Variants in NXPE2 observed in about 807,000 individuals in gnomAD.
The protein encoded by NXPE2 is neurexophilin and PC-esterase domain family member 2, also known as NXPE family member 2.
Under a neutral mutation model 34.4 loss-of-function variants are expected in NXPE2, and 34 were observed. The ratio of observed to expected loss-of-function variants is 0.99; its 90% confidence interval spans 0.75 to 1.31. The LOEUF (loss-of-function observed/expected upper bound fraction) is 1.31. NXPE2 is among the 40% of genes most tolerant of loss of function. The pLI is 0.00. For missense variants in NXPE2, 649 were observed against 672.5 expected (o/e 0.97, Z 0.39); for synonymous variants, 235 against 231.3 (o/e 1.02, Z -0.15).
At chr11:114,651,537 A>C in the NXPE2 span, among the ~76,000 whole-genome samples, 2 of 152,226 alleles carry the variant, frequency 1.3e-5, no homozygotes, top group Non-Finnish European at 2.9e-5. Flanking sequence ...GAATCCGAAA[A>C]GATTGCCACT....
the NXPE2 span, among the ~76,000 whole-genome samples, chr11:114,637,494 G>T: frequency 2.0e-5 from 3 of 151,306 alleles, no homozygotes; most frequent in Non-Finnish European, 2.9e-5. Context: ...GTGTGAATTT[G>T]ATCCTGTCAT....
chr11:114,692,774 A>C (rs1055347093), intron 2 of NXPE2, among the ~76,000 whole-genome samples: 1 of 152,102 alleles, frequency 6.6e-6, no homozygotes, highest in South Asian at 2.1e-4. Context: ...ATTTATTCAA[A>C]ATATGACTAT....
At chr11:114,481,959 G>A in the NXPE2 span, among the ~76,000 whole-genome samples, 2 of 152,036 alleles carry the variant, frequency 1.3e-5, no homozygotes, top group South Asian at 4.1e-4. Context: ...CTCCTACCTC[G>A]GCATTGAAGG....
the NXPE2 span, among the ~76,000 whole-genome samples, chr11:114,630,857 G>A: frequency 2.0e-5 from 3 of 151,746 alleles, no homozygotes; most frequent in East Asian, 5.8e-4. Context: ...TCAAAAAGTG[G>A]GCAAAGGACA....
At chr11:114,765,864 G>A in the NXPE2 span, among the ~76,000 whole-genome samples, 3 of 152,050 alleles carry the variant, frequency 2.0e-5, no homozygotes, top group African/African-American at 7.2e-5. Flanking sequence ...ATTCTTCTGA[G>A]AGCTGACTGT....
chr11:114,522,865 A>C, the NXPE2 span: 3 of 1,572,068 alleles, frequency 1.9e-6, no homozygotes, highest in Middle Eastern at 1.7e-4. Flanking sequence ...AGAGAATATA[A>C]AGTAACTACC....
the NXPE2 span, among the ~76,000 whole-genome samples, chr11:114,534,821 T>G: frequency 6.6e-6 from 1 of 152,166 alleles, no homozygotes; most frequent in East Asian, 1.9e-4. Context: ...TACCTGAAAG[T>G]GACGGGGAGA....
the NXPE2 span, among the ~76,000 whole-genome samples, chr11:114,796,453 G>A: frequency 6.6e-6 from 1 of 152,118 alleles, no homozygotes; most frequent in African/African-American, 2.4e-5. Flanking sequence ...GAAAGACCTA[G>A]AGTGATACCC....
chr11:114,811,888 A>G, the NXPE2 span, among the ~76,000 whole-genome samples: 1 of 152,182 alleles, frequency 6.6e-6, no homozygotes, highest in Non-Finnish European at 1.5e-5. Context: ...CAGTTTTCTC[A>G]TCTGTAAACT....
the NXPE2 span, among the ~76,000 whole-genome samples, chr11:114,468,893 G>A: frequency 1.3e-5 from 2 of 152,022 alleles, no homozygotes; most frequent in Non-Finnish European, 1.5e-5. Flanking sequence ...ATGCATGTTC[G>A]AAAAATGCAA....
chr11:114,523,381 T>C, the NXPE2 span, among the ~76,000 whole-genome samples: 1 of 152,172 alleles, frequency 6.6e-6, no homozygotes, highest in Non-Finnish European at 1.5e-5. Context: ...CTATCCTTTT[T>C]TCCTGACTCT....
chr11:114,519,980 T>A, the NXPE2 span, among the ~76,000 whole-genome samples: 1 of 150,996 alleles, frequency 6.6e-6, no homozygotes, highest in Non-Finnish European at 1.5e-5. Context: ...GCCCGCTAAT[T>A]TTTTTTTGTA....
At chr11:114,637,463 A>G in the NXPE2 span, among the ~76,000 whole-genome samples, 2 of 151,768 alleles carry the variant, frequency 1.3e-5, no homozygotes, top group East Asian at 3.9e-4. Flanking sequence ...GTCCATTTAC[A>G]TTTAAAGTTA....
the NXPE2 span, among the ~76,000 whole-genome samples, chr11:114,719,163 T>G: frequency 9.2e-5 from 14 of 152,204 alleles, no homozygotes; most frequent in African/African-American, 3.4e-4. Context: ...TATTTCATGT[T>G]AGATGTCGTG....
At chr11:114,691,391 T>A (rs1951146188) in intron 2 of NXPE2, among the ~76,000 whole-genome samples, 1 of 152,154 alleles carries the variant, frequency 6.6e-6, no homozygotes, top group South Asian at 2.1e-4. Context: ...GCGGTGGCTT[T>A]CTCAGATATT....
At chr11:114,564,623 C>A in the NXPE2 span, among the ~76,000 whole-genome samples, 268 of 152,094 alleles carry the variant, frequency 1.8e-3, 1 homozygote, top group Non-Finnish European at 3.3e-3. Flanking sequence ...GCCTACACCA[C>A]CTGGGACTTG....
the NXPE2 span, among the ~76,000 whole-genome samples, chr11:114,626,590 C>T: frequency 1.7e-4 from 26 of 152,106 alleles, no homozygotes; most frequent in East Asian, 5.8e-4. Flanking sequence ...AGCAGAAAAA[C>T]GGGAAACTCT....
At chr11:114,742,368 T>C in the NXPE2 span, among the ~76,000 whole-genome samples, 1 of 152,160 alleles carries the variant, frequency 6.6e-6, no homozygotes, top group Non-Finnish European at 1.5e-5. Context: ...CTTTCTTCGT[T>C]GCTCCCATCT....
chr11:114,493,764 A>G, the NXPE2 span, among the ~76,000 whole-genome samples: 6 of 152,074 alleles, frequency 3.9e-5, no homozygotes, highest in Admixed American at 6.6e-5. Flanking sequence ...CGGTGTTATA[A>G]TATTCTGTAT....
Sources: allele counts gnomAD v4.1 joint callset (sites outside exome capture counted in the v4.1 genomes callset), GRCh38; gene constraint gnomAD v4.1.1; transcripts MANE v1.5; gene names NCBI Gene and HGNC (gene_info 2026-07-23, HGNC 2026-07-21).